Variants in NPNT observed in about 807,000 individuals in gnomAD.
NPNT encodes preosteoblast EGF-like repeat protein with MAM domain.
A neutral mutation model predicts 68.6 loss-of-function variants in NPNT; 45 were observed. That is an observed-to-expected ratio of 0.66 (90% CI 0.52 to 0.84). The LOEUF (loss-of-function observed/expected upper bound fraction) is 0.84, where lower values mean the gene tolerates loss of function less well. NPNT is among the 40% of genes least tolerant of loss of function. NPNT has a pLI of 0.00. For synonymous variants in NPNT, 233 were observed against 253.3 expected (o/e 0.92, Z 0.76); for missense variants, 672 against 714.8 (o/e 0.94, Z 0.68).
At chr4:105,951,053 T>C (rs1578668014) in intron 8 of NPNT, among the ~76,000 whole-genome samples, 1 of 152,256 alleles carries the variant, frequency 6.6e-6, no homozygotes, top group African/African-American at 2.4e-5. Flanking sequence ...TGATCTGCAG[T>C]CCCCACTTTG....
At position 105,899,601 on chromosome 4, in the gene NPNT, G is replaced by A. The variant is rs528550440; in HGVS notation, c.172+1600G>A. 3.4e-4 allele frequency among the ~76,000 whole-genome samples: 52 copies of A among 152,296 alleles called. 1 individual carries two copies. In the South Asian group the frequency reaches 0.01, roughly 30 times the overall value. On this transcript the variant is annotated intron_variant, in intron 2 of 11. Transcript: ENST00000379987. ...TGCAAAGGGTCTAGCCAAGCAGCTC[G>A]CACATAGCAGTTAGGCAAACATTCG...
At chr4:105,941,988 T>G (rs1305375622) in intron 7 of NPNT, among the ~76,000 whole-genome samples, 1 of 152,100 alleles carries the variant, frequency 6.6e-6, no homozygotes, top group Non-Finnish European at 1.5e-5. Flanking sequence ...CTGTTTGCAC[T>G]GCACAAATAT....
intron 10 of NPNT, among the ~76,000 whole-genome samples, chr4:105,960,257 G>A (rs182383376): frequency 9.3e-4 from 142 of 152,234 alleles, no homozygotes; most frequent in African/African-American, 3.3e-3. Context: ...TATTTTAAAA[G>A]CCTAGTTCTT....
intron 8 of NPNT, among the ~76,000 whole-genome samples, chr4:105,956,803 A>T (rs1429501359): frequency 2.0e-5 from 3 of 152,180 alleles, no homozygotes; most frequent in Non-Finnish European, 2.9e-5. Flanking sequence ...GGGTATCCAC[A>T]GTCAGCTGTG....
intron 3 of NPNT, among the ~76,000 whole-genome samples, chr4:105,930,343 T>A (rs545065256): frequency 6.6e-6 from 1 of 152,202 alleles, no homozygotes; most frequent in African/African-American, 2.4e-5. Context: ...CTTGAAAGGG[T>A]TCCACCAGTT....
Position 105,971,645 on chromosome 4 carries a change from T to G in NPNT, c.*2655T>G, listed in dbSNP as rs1732572539. The G allele has an allele frequency of 6.5e-6, 1 of 153,022 alleles. No individual in the cohort carries two copies. Among genetic ancestry groups the G allele is most frequent in the Admixed American group, 6.5e-5 (1 of 15,346 alleles). 9.5% of individuals were successfully genotyped at this position (153,022 alleles called of 1,614,324 possible). A position where few individuals can be genotyped will look rare whatever the true frequency, so the allele number is the denominator to read the frequency against. ...CAAATGGCCTAATAAAAACAATTAT[T>G]TGTAAATAAAAACACTGTTAGTAAT... On this transcript the variant is annotated 3_prime_UTR_variant, in exon 12 of 12. Coordinates refer to ENST00000379987, the MANE Select transcript of NPNT (RefSeq NM_001033047.3).
chr4:105,895,624 G>A lies in NPNT; in HGVS notation c.-29G>A, dbSNP rs1315523314. On this transcript the variant is annotated 5_prime_UTR_variant, in exon 1 of 12. Transcript: ENST00000379987. ...CCCAACCTGTTCCTCGCGCGCCACTGCGCTGCGCCCCAGGACCCGCTGCCC... is the reference window on the plus strand; with the variant it reads ...CCCAACCTGTTCCTCGCGCGCCACTACGCTGCGCCCCAGGACCCGCTGCCC... 6.5e-7 allele frequency: 1 copy of A among 1,544,786 alleles called. No homozygotes were observed.
intron 2 of NPNT, among the ~76,000 whole-genome samples, chr4:105,921,640 G>C (rs770068351): frequency 3.3e-5 from 5 of 152,112 alleles, no homozygotes; most frequent in Non-Finnish European, 7.4e-5. Context: ...GGAGATCTTG[G>C]ACAGTAGGAT....
chr4:105,951,824 G>T (rs1486915089), intron 8 of NPNT, among the ~76,000 whole-genome samples: 1 of 152,184 alleles, frequency 6.6e-6, no homozygotes, highest in Non-Finnish European at 1.5e-5. Context: ...AAAGTCAGAA[G>T]TCAGATTTTT....
intron 3 of NPNT, among the ~76,000 whole-genome samples, chr4:105,933,377 G>A (rs548707051): frequency 2.6e-5 from 4 of 152,174 alleles, no homozygotes; most frequent in Non-Finnish European, 5.9e-5. Flanking sequence ...CCTCTTTTAG[G>A]TCATTTTATC....
At chr4:105,962,468 G>A (rs1291134636) in intron 10 of NPNT, among the ~76,000 whole-genome samples, 4 of 152,100 alleles carry the variant, frequency 2.6e-5, no homozygotes, top group Non-Finnish European at 5.9e-5. Context: ...CATCTAAAAA[G>A]AGAACAGGCT....
intron 2 of NPNT, among the ~76,000 whole-genome samples, chr4:105,913,999 T>A (rs1249501918): frequency 6.6e-6 from 1 of 152,088 alleles, no homozygotes; most frequent in Admixed American, 6.6e-5. Context: ...AGTTAGGTGC[T>A]GGGAAGATAC....
intron 2 of NPNT, among the ~76,000 whole-genome samples, chr4:105,920,199 C>T (rs1306595202): frequency 6.6e-6 from 1 of 151,754 alleles, no homozygotes; most frequent in East Asian, 1.9e-4. Context: ...TCCAAGCCAG[C>T]TTCTATTCTT....
intron 3 of NPNT, among the ~76,000 whole-genome samples, chr4:105,935,930 A>G (rs1026074723): frequency 6.6e-6 from 1 of 152,212 alleles, no homozygotes. Context: ...CATATTATCT[A>G]TATTTTTTAT....
chr4:105,916,699 C>T (rs745371774), intron 2 of NPNT, among the ~76,000 whole-genome samples: 2 of 152,122 alleles, frequency 1.3e-5, no homozygotes, highest in Non-Finnish European at 2.9e-5. Flanking sequence ...TCTCACATTG[C>T]CCTACATTGT....
chr4:105,935,386 C>T (rs766891980), intron 3 of NPNT, among the ~76,000 whole-genome samples: 1 of 152,166 alleles, frequency 6.6e-6, no homozygotes, highest in Non-Finnish European at 1.5e-5. Context: ...CAGTCATTAA[C>T]TCCTCTTAGA....
chr4:105,902,978 ACTT>A (rs1446210776), intron 2 of NPNT, among the ~76,000 whole-genome samples: 6 of 152,168 alleles, frequency 3.9e-5, no homozygotes, highest in Non-Finnish European at 7.4e-5. Context: ...AAATTTTAGT[ACTT>A]CTTAAGCTAG....
At chr4:105,967,753 A>T (rs934180117) in intron 11 of NPNT, among the ~76,000 whole-genome samples, 1 of 152,048 alleles carries the variant, frequency 6.6e-6, no homozygotes. Flanking sequence ...GATCAACAGA[A>T]ACTTCCAAGG....
In NPNT at chr4:105,898,001, CGTGA is replaced by C; in HGVS notation, c.172+3_172+6del. The C allele has an allele frequency of 6.3e-7, 1 of 1,597,476 alleles. No individual in the cohort carries two copies. The highest frequency in any genetic ancestry group is 8.5e-7 in the Non-Finnish European group (1 of 1,172,280). On this transcript the variant is annotated splice_donor_variant and splice_donor_region_variant and intron_variant, in intron 2 of 11. Coordinates refer to ENST00000379987, the MANE Select transcript of NPNT (RefSeq NM_001033047.3). LOFTEE classifies it high-confidence loss of function. ...TCGCCAGTCTTGGGGACAGTGTCAG[CGTGA>C]GTATCAAGCCTGGGGACTTCAGTTC...
Sources: allele counts gnomAD v4.1 joint callset (sites outside exome capture counted in the v4.1 genomes callset), GRCh38; gene constraint gnomAD v4.1.1; transcripts MANE v1.5; gene names NCBI Gene and HGNC (gene_info 2026-07-23, HGNC 2026-07-21).